Variants in SH3BGRL2 observed in about 807,000 individuals in gnomAD.
SH3BGRL2 encodes SH3 domain-binding glutamic acid-rich-like protein 2.
Under a neutral mutation model 14.8 loss-of-function variants are expected in SH3BGRL2, and 21 were observed. That is an observed-to-expected ratio of 1.42 (90% confidence interval 1.01 to 2.05). The LOEUF (loss-of-function observed/expected upper bound fraction) is 2.05, where lower values mean the gene tolerates loss of function less well. SH3BGRL2 is among the 30% of genes most tolerant of loss of function. SH3BGRL2 has a pLI of 0.00. For synonymous variants in SH3BGRL2, 50 were observed against 47.8 expected, an observed-to-expected ratio of 1.05 and a Z score of -0.19; for missense variants, 147 against 130.8, an observed-to-expected ratio of 1.12 and a Z score of -0.61.
intron 1 of SH3BGRL2, among the ~76,000 whole-genome samples, chr6:79,650,648 A>G (rs936001678): frequency 6.6e-6 from 1 of 152,052 alleles, no homozygotes; most frequent in African/African-American, 2.4e-5. Flanking sequence ...CAAGGGGGAG[A>G]CAAGAGTGAG....
At position 79,699,509 on chromosome 6, in the gene SH3BGRL2, GAGA is replaced by G. The variant is rs781517216; in HGVS notation, c.*7_*9del. ...TTTTTTTTTTATAGGCAGAACCTTA[GAGA>G]AGAAGAGTGGAAGATGACGGAGATG... On this transcript the variant is annotated 3_prime_UTR_variant, in exon 4 of 4. Transcript: ENST00000369838. 1.4e-6 allele frequency: 1 copy of G among 731,350 alleles called. No individual in the cohort carries two copies. Among genetic ancestry groups the G allele is most frequent in the Non-Finnish European group, 2.1e-6 (1 of 469,052 alleles). The allele number at this position is 731,350 out of a possible 1,614,324, so 45.3% of individuals were successfully genotyped here. A position where few individuals can be genotyped will look rare whatever the true frequency, so the allele number is the denominator to read the frequency against.
chr6:79,551,534 C>T, the SH3BGRL2 span, among the ~76,000 whole-genome samples: 4 of 151,910 alleles, frequency 2.6e-5, no homozygotes, highest in South Asian at 2.1e-4. Flanking sequence ...CAGCCTGCAA[C>T]GTGGCCCTCC....
the SH3BGRL2 span, among the ~76,000 whole-genome samples, chr6:79,543,570 A>G: frequency 6.6e-6 from 1 of 152,158 alleles, no homozygotes; most frequent in African/African-American, 2.4e-5. Context: ...TGGTTTCTGG[A>G]TTTGTTAAAT....
At chr6:79,584,402 A>G in the SH3BGRL2 span, among the ~76,000 whole-genome samples, 2 of 152,018 alleles carry the variant, frequency 1.3e-5, no homozygotes, top group South Asian at 2.1e-4. Flanking sequence ...TTTAATTGTT[A>G]TTTTTCCAAA....
chr6:79,614,759 G>C, the SH3BGRL2 span, among the ~76,000 whole-genome samples: 1 of 152,116 alleles, frequency 6.6e-6, no homozygotes, highest in South Asian at 2.1e-4. Context: ...GGTGGGAAAA[G>C]GTATATGTTT....
chr6:79,573,359 A>G, the SH3BGRL2 span, among the ~76,000 whole-genome samples: 2 of 152,060 alleles, frequency 1.3e-5, no homozygotes, highest in East Asian at 3.9e-4. Context: ...TCTTTTCCCT[A>G]TTCTTTTGCT....
chr6:79,581,210 A>G, the SH3BGRL2 span, among the ~76,000 whole-genome samples: 1 of 152,246 alleles, frequency 6.6e-6, no homozygotes, highest in South Asian at 2.1e-4. Flanking sequence ...TACCAGAGGT[A>G]TAAGGAGAAG....
chr6:79,546,570 T>G, the SH3BGRL2 span, among the ~76,000 whole-genome samples: 2 of 152,152 alleles, frequency 1.3e-5, no homozygotes, highest in African/African-American at 4.8e-5. Context: ...AGGGTTTTCG[T>G]TCTCCCAAGG....
At chr6:79,690,349 G>A (rs550348392) in intron 2 of SH3BGRL2, among the ~76,000 whole-genome samples, 1 of 152,040 alleles carries the variant, frequency 6.6e-6, no homozygotes, top group South Asian at 2.1e-4. Flanking sequence ...ACAAGAACAG[G>A]GACAGCATTT....
At chr6:79,663,818 T>C (rs1439194604) in intron 1 of SH3BGRL2, among the ~76,000 whole-genome samples, 1 of 152,214 alleles carries the variant, frequency 6.6e-6, no homozygotes, top group Non-Finnish European at 1.5e-5. Flanking sequence ...TGTGGTGGGC[T>C]CCACCCAGTT....
At chr6:79,636,175 A>G (rs75897264) in intron 1 of SH3BGRL2, among the ~76,000 whole-genome samples, 2,327 of 152,316 alleles carry the variant, frequency 0.015, 61 homozygotes, top group African/African-American at 0.053. Flanking sequence ...GACTGAAGCA[A>G]GCTGACCAGA....
intron 1 of SH3BGRL2, among the ~76,000 whole-genome samples, chr6:79,645,882 G>A (rs1182937914): frequency 1.3e-5 from 2 of 152,122 alleles, no homozygotes; most frequent in Non-Finnish European, 2.9e-5. Flanking sequence ...TGCTAGCATG[G>A]TGTCAGCCTC....
chr6:79,683,199 T>TA (rs904775635), intron 2 of SH3BGRL2, among the ~76,000 whole-genome samples: 13 of 151,132 alleles, frequency 8.6e-5, no homozygotes, highest in Non-Finnish European at 1.0e-4. Flanking sequence ...AAGTATAATT[T>TA]AAAAAAAAAC....
intron 1 of SH3BGRL2, among the ~76,000 whole-genome samples, chr6:79,663,668 C>A (rs1769599604): frequency 6.6e-6 from 1 of 152,234 alleles, no homozygotes; most frequent in South Asian, 2.1e-4. Context: ...AGAGCTCAAA[C>A]ATCGTGCTTA....
chr6:79,625,229 TATATACAC>T, the SH3BGRL2 span, among the ~76,000 whole-genome samples: 2 of 133,950 alleles, frequency 1.5e-5, no homozygotes, highest in African/African-American at 5.8e-5. Flanking sequence ...CACACATATA[TATATACAC>T]ATATATATAT....
chr6:79,664,248 C>G (rs968500569), intron 1 of SH3BGRL2, among the ~76,000 whole-genome samples: 2 of 152,198 alleles, frequency 1.3e-5, no homozygotes, highest in Non-Finnish European at 2.9e-5. Context: ...TCTTCTGCAT[C>G]GATCACGCTG....
chr6:79,647,855 C>A (rs2127725435), intron 1 of SH3BGRL2, among the ~76,000 whole-genome samples: 1 of 152,010 alleles, frequency 6.6e-6, no homozygotes, highest in South Asian at 2.1e-4. Context: ...TCTTTTTTGT[C>A]AAATACATAA....
chr6:79,686,360 CT>C (rs1351247743), intron 2 of SH3BGRL2, among the ~76,000 whole-genome samples: 1 of 151,864 alleles, frequency 6.6e-6, no homozygotes, highest in Non-Finnish European at 1.5e-5. Context: ...TCTTCAGGAT[CT>C]TTTTTCCTTT....
At chr6:79,587,580 A>G in the SH3BGRL2 span, among the ~76,000 whole-genome samples, 3 of 152,258 alleles carry the variant, frequency 2.0e-5, no homozygotes, top group African/African-American at 7.2e-5. Flanking sequence ...AGGAAATTCT[A>G]GAATTTGCTG....
Sources: allele counts gnomAD v4.1 joint callset (sites outside exome capture counted in the v4.1 genomes callset), GRCh38; gene constraint gnomAD v4.1.1; transcripts MANE v1.5; gene names NCBI Gene and HGNC (gene_info 2026-07-23, HGNC 2026-07-21).